ERC2: variants seen among roughly 807,000 people sequenced by gnomAD.
ERC2 encodes ELKS/RAB6-interacting/CAST family member 2.
In ERC2, 42 loss-of-function variants were observed where a neutral mutation model predicts 114.8. The ratio of observed to expected loss-of-function variants is 0.37; its 90% CI spans 0.29 to 0.47. The LOEUF (loss-of-function observed/expected upper bound fraction) is 0.47, where lower values mean the gene tolerates loss of function less well. Among genes scored for constraint, ERC2 ranks in the 20% least tolerant of loss-of-function variants. The pLI is 0.99. For synonymous variants in ERC2, 454 were observed against 425.5 expected, an observed-to-expected ratio of 1.07 and a Z score of -0.82; for missense variants, 939 against 1,150.7, an observed-to-expected ratio of 0.82 and a Z score of 2.66.
chr3:56,156,911 A>T (rs1049038801), intron 4 of ERC2, among the ~76,000 whole-genome samples: 2 of 152,174 alleles, frequency 1.3e-5, no homozygotes, highest in Non-Finnish European at 2.9e-5. Context: ...TTTATTTGTA[A>T]GCTCCTCAGC....
intron 7 of ERC2, among the ~76,000 whole-genome samples, chr3:56,043,362 G>T (rs2075296778): frequency 6.6e-6 from 1 of 152,026 alleles, no homozygotes. Flanking sequence ...ATTTTTTATG[G>T]CACTAATTTT....
intron 6 of ERC2, among the ~76,000 whole-genome samples, chr3:56,084,180 C>G (rs559540154): frequency 2.6e-5 from 4 of 152,086 alleles, no homozygotes; most frequent in African/African-American, 7.2e-5. Context: ...CTTATCCCAA[C>G]CAGAATAGCT....
At chr3:55,700,539 C>T (rs1400192577) in intron 15 of ERC2, among the ~76,000 whole-genome samples, 1 of 152,236 alleles carries the variant, frequency 6.6e-6, no homozygotes, top group African/African-American at 2.4e-5. Context: ...AGTCCAGTAA[C>T]TGGCAATGAA....
At chr3:55,555,849 G>A (rs1036299131) in intron 17 of ERC2, among the ~76,000 whole-genome samples, 5 of 152,144 alleles carry the variant, frequency 3.3e-5, no homozygotes, top group African/African-American at 9.7e-5. Context: ...TGAAATCCGC[G>A]CTGCTCGCTC....
intron 3 of ERC2, among the ~76,000 whole-genome samples, chr3:56,267,450 T>C (rs11923324): frequency 0.68 from 103,245 of 152,030 alleles, 36,267 homozygotes; most frequent in Non-Finnish European, 0.76. Context: ...AGAATGGTTA[T>C]GGCAGGAAGC....
intron 17 of ERC2, among the ~76,000 whole-genome samples, chr3:55,633,981 T>C (rs1040600885): frequency 3.3e-5 from 5 of 152,132 alleles, no homozygotes; most frequent in African/African-American, 7.2e-5. Context: ...TTCATTTGTG[T>C]TCCAAGATCA....
chr3:55,853,156 G>C (rs1448885987), intron 14 of ERC2, among the ~76,000 whole-genome samples: 1 of 152,090 alleles, frequency 6.6e-6, no homozygotes, highest in Non-Finnish European at 1.5e-5. Context: ...ACCCACCCTC[G>C]ACCGTCCAAC....
intron 10 of ERC2, among the ~76,000 whole-genome samples, chr3:55,998,702 C>G (rs543915945): frequency 6.6e-6 from 1 of 152,190 alleles, no homozygotes; most frequent in African/African-American, 2.4e-5. Context: ...CAGCCCATTA[C>G]GTTCCTGGGA....
intron 2 of ERC2, among the ~76,000 whole-genome samples, chr3:56,306,119 G>A (rs183992866): frequency 2.0e-5 from 3 of 152,272 alleles, no homozygotes; most frequent in African/African-American, 7.2e-5. Context: ...AAAGTGATGG[G>A]ATTACAGGTG....
At chr3:56,234,002 G>A (rs753251573) in intron 3 of ERC2, among the ~76,000 whole-genome samples, 1 of 152,054 alleles carries the variant, frequency 6.6e-6, no homozygotes, top group Non-Finnish European at 1.5e-5. Flanking sequence ...AGATCCTATT[G>A]TCATGTAAAA....
chr3:56,087,837 T>C (rs913216359), intron 6 of ERC2, among the ~76,000 whole-genome samples: 1 of 152,194 alleles, frequency 6.6e-6, no homozygotes, highest in Non-Finnish European at 1.5e-5. Flanking sequence ...TTGAATTTGA[T>C]TCAACCTGCA....
At chr3:55,666,278 G>A (rs2061353774) in intron 17 of ERC2, among the ~76,000 whole-genome samples, 1 of 152,180 alleles carries the variant, frequency 6.6e-6, no homozygotes, top group African/African-American at 2.4e-5. Flanking sequence ...TGGCAAGTAT[G>A]TCACCCTTTC....
chr3:55,893,140 G>T (rs1282244323), intron 13 of ERC2, among the ~76,000 whole-genome samples: 1 of 152,144 alleles, frequency 6.6e-6, no homozygotes, highest in Non-Finnish European at 1.5e-5. Flanking sequence ...CTTGGTCTTA[G>T]ACTTCCCAGC....
At chr3:55,799,462 T>C (rs1374896557) in intron 14 of ERC2, among the ~76,000 whole-genome samples, 1 of 98,456 alleles carries the variant, frequency 1.0e-5, no homozygotes, top group Non-Finnish European at 2.2e-5. Context: ...TATATATATA[T>C]ATATATATAT....
At chr3:56,113,518 T>C (rs2149835822) in intron 6 of ERC2, among the ~76,000 whole-genome samples, 1 of 152,298 alleles carries the variant, frequency 6.6e-6, no homozygotes, top group Admixed American at 6.5e-5. Flanking sequence ...TGTGTGTGTG[T>C]TCTCTAGGAA....
rs573686486 is a variant in ERC2 at position 55,566,628 on chromosome 3, A to G, written c.*40-55352T>C. On this transcript the variant is annotated intron_variant, in intron 17 of 17. Coordinates refer to ENST00000288221, the MANE Select transcript of ERC2 (RefSeq NM_015576.3). ...TGTATTTTTGTAGAAACAAGGTTTC[A>G]CCATGTTGGCCAGGTTAAATTCCTG... 8.5e-5 allele frequency among the ~76,000 whole-genome samples: 13 copies of G among 152,270 alleles called. No individual in the cohort carries two copies. In the East Asian group the frequency reaches 2.5e-3, roughly 29 times the overall value.
intron 3 of ERC2, among the ~76,000 whole-genome samples, chr3:56,262,966 G>A (rs141592357): frequency 2.0e-5 from 3 of 152,084 alleles, no homozygotes; most frequent in Admixed American, 6.5e-5. Flanking sequence ...TACCCACATA[G>A]AAACTGGCCA....
intron 3 of ERC2, among the ~76,000 whole-genome samples, chr3:56,283,402 A>G (rs2054477651): frequency 1.3e-5 from 2 of 152,174 alleles, no homozygotes; most frequent in Non-Finnish European, 2.9e-5. Flanking sequence ...AGGCCAAGGC[A>G]GGAGGATCAC....
At chr3:55,877,207 C>CCTA (rs2062891009) in intron 14 of ERC2, among the ~76,000 whole-genome samples, 1 of 152,186 alleles carries the variant, frequency 6.6e-6, no homozygotes, top group Admixed American at 6.5e-5. Flanking sequence ...CTGGCCTCTA[C>CCTA]CTACTGGATG....
Sources: gnomAD v4.1 joint callset for allele counts (sites outside exome capture counted in the v4.1 genomes callset) on GRCh38, gnomAD v4.1.1 for gene constraint, MANE v1.5 for transcripts, NCBI Gene and HGNC (gene_info 2026-07-23, HGNC 2026-07-21) for gene names.